Variants in PROM1 observed in about 807,000 individuals in gnomAD.
The protein encoded by PROM1 is prominin-1.
A neutral mutation model predicts 116.9 loss-of-function variants in PROM1; 105 were observed. The ratio of observed to expected loss-of-function variants is 0.90; its 90% confidence interval spans 0.77 to 1.06. PROM1 has a LOEUF of 1.06. Among genes scored for constraint, PROM1 ranks in the 50% least tolerant of loss-of-function variants. PROM1 has a pLI of 0.00. For synonymous variants in PROM1, 393 were observed against 387.0 expected (o/e 1.02, Z -0.18); for missense variants, 1,122 against 1,045.2 (o/e 1.07, Z -1.01).
Position 16,055,113 on chromosome 4 carries a change from C to T in PROM1, c.221-16112G>A, listed in dbSNP as rs1239524582. 1.5e-5 allele frequency: 4 copies of T among 264,906 alleles called. No individual in the cohort carries two copies. In the East Asian group the frequency reaches 3.4e-4, roughly 22 times the overall value. The allele number at this position is 264,906 out of a possible 1,614,324, so 16.4% of individuals were successfully genotyped here. ...CTAACCCAGTGCTGTCCACCTGTAGCAATTGCTTAGTAAAACTTGCATGCC... is the reference window on the plus strand; with the variant it reads ...CTAACCCAGTGCTGTCCACCTGTAGTAATTGCTTAGTAAAACTTGCATGCC... On this transcript the variant is annotated intron_variant, in intron 2 of 27. Coordinates refer to ENST00000447510, the MANE Select transcript of PROM1 (RefSeq NM_006017.3).
Position 16,025,188 on chromosome 4 carries a change from T to C in PROM1, c.630+4A>G, listed in dbSNP as rs1216666913. The C allele has an allele frequency of 6.2e-7, 1 of 1,613,418 alleles. No individual in the cohort carries two copies. The highest frequency in any genetic ancestry group is 8.5e-7 in the Non-Finnish European group (1 of 1,179,546). On this transcript the variant is annotated splice_donor_region_variant and intron_variant, in intron 6 of 27. Transcript: ENST00000447510. Reference sequence around the variant, plus strand: ...TCGCGGTACATAGAGATGATGGTTTTTACCTCTGGAGTTTCATTCAAGAGA... The same window carrying C: ...TCGCGGTACATAGAGATGATGGTTTCTACCTCTGGAGTTTCATTCAAGAGA...
chr4:16,023,377 G>C lies in PROM1; in HGVS notation c.733C>G (p.Leu245Val). The change falls in exon 8 of 28, where the codon CTG becomes GTG. Residue 245 changes from leucine to valine, a missense_variant. Transcript: ENST00000447510. ...SVLGGGILDRLRPNIIPVLDE... is the reference protein window; with the variant it reads ...SVLGGGILDRVRPNIIPVLDE... ...AGAACAGGGATGATGTTGGGTCTCA[G>C]TCGGTCAAGAATTCCGCCTCCTAGC... 6.2e-7 allele frequency: 1 copy of C among 1,607,800 alleles called. No homozygotes were observed. Among genetic ancestry groups the C allele is most frequent in the Non-Finnish European group, 8.5e-7 (1 of 1,176,870 alleles).
intron 23 of PROM1, among the ~76,000 whole-genome samples, chr4:15,982,051 C>T (rs1268839647): frequency 1.3e-5 from 2 of 152,216 alleles, no homozygotes; most frequent in African/African-American, 4.8e-5. Context: ...AGGACAAACA[C>T]ACAATGTATA....
intron 13 of PROM1, among the ~76,000 whole-genome samples, chr4:16,001,862 T>A (rs1200718621): frequency 6.6e-6 from 1 of 152,004 alleles, no homozygotes; most frequent in Non-Finnish European, 1.5e-5. Context: ...GAACAGAGCC[T>A]GGTTAAGTAT....
At position 15,992,533 on chromosome 4, in the gene PROM1, G is replaced by A. The variant is rs920151408; in HGVS notation, c.1768-142C>T. ...TTTGGGAGGCTGAGGTGGGAGGATC[G>A]CTTGAGCTCAGGAGTTCAAAACCAG... On this transcript the variant is annotated intron_variant, in intron 16 of 27. Transcript: ENST00000447510. 20 of 842,838 alleles carry A rather than the reference G, an allele frequency of 2.4e-5. No homozygotes were observed. The East Asian group carries it at 3.2e-4, about 13-fold the overall frequency. 52.2% of individuals were successfully genotyped at this position (842,838 alleles called of 1,614,324 possible).
At chr4:15,991,808 C>T (rs927925063) in intron 17 of PROM1, among the ~76,000 whole-genome samples, 7 of 151,818 alleles carry the variant, frequency 4.6e-5, no homozygotes, top group East Asian at 1.9e-4. Flanking sequence ...TGGTGGCAGG[C>T]GCCTGTAGTC....
intron 2 of PROM1, among the ~76,000 whole-genome samples, chr4:16,065,723 A>T (rs1741378496): frequency 6.6e-6 from 1 of 152,204 alleles, no homozygotes; most frequent in Non-Finnish European, 1.5e-5. Flanking sequence ...CCTTGGGTGC[A>T]TTGCTTAATA....
chr4:16,050,258 CA>C (rs535857294), intron 2 of PROM1, among the ~76,000 whole-genome samples: 78 of 129,532 alleles, frequency 6.0e-4, no homozygotes, highest in East Asian at 1.4e-3. Flanking sequence ...AAGACTGTCT[CA>C]AAAAAAAAAA....
chr4:16,075,728 T>G lies in PROM1; in HGVS notation c.179A>C (p.His60Pro). ...CGGCTGTACCACATAGAGAAAGATATGCACTAGTTCAAAGAGAATGCCAAT... is the reference window on the plus strand; with the variant it reads ...CGGCTGTACCACATAGAGAAAGATAGGCACTAGTTCAAAGAGAATGCCAAT... ...GPIGILFELVHIFLYVVQPRD... is the reference protein window; with the variant it reads ...GPIGILFELVPIFLYVVQPRD... The change falls in exon 2 of 28, where the codon CAT becomes CCT. Residue 60 changes from histidine to proline, a missense_variant. His to Pro is a moderately conservative substitution (Grantham distance 77). Coordinates refer to ENST00000447510, the MANE Select transcript of PROM1 (RefSeq NM_006017.3). 3 of 1,613,788 alleles carry G rather than the reference T, an allele frequency of 1.9e-6. No homozygotes were observed. Among genetic ancestry groups the G allele is most frequent in the Non-Finnish European group, 2.5e-6 (3 of 1,179,820 alleles).
chr4:16,032,682 T>C (rs1374346177), intron 5 of PROM1, among the ~76,000 whole-genome samples: 4 of 152,162 alleles, frequency 2.6e-5, no homozygotes, highest in East Asian at 1.9e-4. Context: ...AACGTCATCT[T>C]AAAAGCAATG....
chr4:15,990,669 G>A (rs1720749526), intron 18 of PROM1, among the ~76,000 whole-genome samples: 1 of 152,180 alleles, frequency 6.6e-6, no homozygotes, highest in South Asian at 2.1e-4. Context: ...GAAGGCAGGT[G>A]GGACTCCGGA....
intron 2 of PROM1, among the ~76,000 whole-genome samples, chr4:16,072,547 C>T (rs1365263754): frequency 6.6e-6 from 1 of 152,230 alleles, no homozygotes; most frequent in Non-Finnish European, 1.5e-5. Flanking sequence ...TCATTCCTGG[C>T]CATAGGCCCA....
At chr4:15,980,951 T>TTATTTATTTATA (rs1336772529) in intron 23 of PROM1, among the ~76,000 whole-genome samples, 1 of 149,830 alleles carries the variant, frequency 6.7e-6, no homozygotes, top group East Asian at 2.0e-4. Context: ...GAGTTGTTAT[T>TTATTTATTTATA]TATTTATTTA....
intron 13 of PROM1, chr4:16,003,299 A>G (rs777763696): frequency 8.8e-6 from 4 of 456,488 alleles, no homozygotes; most frequent in Non-Finnish European, 1.8e-5. Context: ...ATACTGCAAA[A>G]CACCTCCCTC....
At chr4:16,001,080 C>A (rs912023350) in intron 13 of PROM1, among the ~76,000 whole-genome samples, 3 of 152,190 alleles carry the variant, frequency 2.0e-5, no homozygotes, top group Non-Finnish European at 4.4e-5. Context: ...GACATCATTG[C>A]AGAGGCTGTT....
At position 16,050,451 on chromosome 4, in the gene PROM1, T is replaced by C. The variant is rs201034877; in HGVS notation, c.221-11450A>G. ...TCACTGCATACATGATCTCCTGGAC[T>C]CAGGTGACTCTCCCGCCTCAGCCTC... is the stretch of plus-strand genomic sequence containing the variant. On this transcript the variant is annotated intron_variant, in intron 2 of 27. Transcript: ENST00000447510. 7.5e-4 allele frequency among the ~76,000 whole-genome samples: 114 copies of C among 152,340 alleles called. No individual in the cohort carries two copies. In the East Asian group the frequency reaches 0.013, roughly 17 times the overall value.
intron 2 of PROM1, among the ~76,000 whole-genome samples, chr4:16,055,710 G>T (rs1165096067): frequency 2.0e-5 from 3 of 152,130 alleles, no homozygotes; most frequent in Admixed American, 1.3e-4. Context: ...ACGGTAATGA[G>T]AAATATATAT....
rs544795792 is a variant in PROM1, at chr4:16,027,383, G to C, written c.510-2071C>G. Among the ~76,000 whole-genome samples, 6 of 152,044 alleles carry C rather than the reference G, an allele frequency of 3.9e-5. No homozygotes were observed. The South Asian group carries it at 1.2e-3, about 31-fold the overall frequency. On this transcript the variant is annotated intron_variant, in intron 5 of 27. Coordinates refer to ENST00000447510, the MANE Select transcript of PROM1 (RefSeq NM_006017.3). The stretch of plus-strand genomic sequence containing the variant: ...GCCATGCCAAATTCAAAACATGCTA[G>C]ACCATGACAAGTCAGGCTCACCACC...
Position 16,001,098 on chromosome 4 carries a change from C to A in PROM1, c.1455-479G>T, listed in dbSNP as rs78478549. On this transcript the variant is annotated intron_variant, in intron 13 of 27. Transcript: ENST00000447510. Reference sequence around the variant, plus strand: ...ATCATTGCAGAGGCTGTTATCATGGCCCATGAGGGTGGCCTAAGGGGGCAG... The same window carrying A: ...ATCATTGCAGAGGCTGTTATCATGGACCATGAGGGTGGCCTAAGGGGGCAG... 5.3e-3 allele frequency among the ~76,000 whole-genome samples: 811 copies of A among 152,300 alleles called. 9 individuals are homozygous for A. The highest frequency in any genetic ancestry group is 0.019 in the African/African-American group (774 of 41,570).
Sources: allele counts gnomAD v4.1 joint callset (sites outside exome capture counted in the v4.1 genomes callset), GRCh38; gene constraint gnomAD v4.1.1; transcripts MANE v1.5; gene names NCBI Gene and HGNC (gene_info 2026-07-23, HGNC 2026-07-21).